Variants in TATDN1 observed in about 807,000 individuals in gnomAD.
TATDN1 encodes TatD DNase domain containing 1.
Under a neutral mutation model 46.4 loss-of-function variants are expected in TATDN1, and 40 were observed. The ratio of observed to expected loss-of-function variants is 0.86; its 90% confidence interval spans 0.67 to 1.12. The LOEUF is 1.12. Ranked by LOEUF, TATDN1 falls within the 50% of genes most tolerant of loss-of-function variation. The pLI is 0.00. For synonymous variants in TATDN1, 95 were observed against 105.6 expected (o/e 0.90, Z 0.62); for missense variants, 326 against 348.4 (o/e 0.94, Z 0.51).
chr8:124,503,825 G>A (rs1420217275), intron 9 of TATDN1: 1 of 1,010,348 alleles, frequency 9.9e-7, no homozygotes, highest in Non-Finnish European at 1.4e-6. Flanking sequence ...TCTCATACTT[G>A]GAGAAACTCT....
intron 8 of TATDN1, among the ~76,000 whole-genome samples, chr8:124,506,334 CAAAAAAAA>C (rs56023168): frequency 1.9e-5 from 1 of 52,526 alleles, no homozygotes; most frequent in African/African-American, 7.0e-5. Context: ...GGCTCTGTCT[CAAAAAAAA>C]AAAAAAAAAA....
chr8:124,524,796 C>T lies in TATDN1; in HGVS notation c.23-1794G>A, dbSNP rs528418626. Reference sequence around the variant, plus strand: ...ATGGGGATCAACAGATGAAAAATTACTAAGAGGAAACATCAAAGGTGAGGG... The same window carrying T: ...ATGGGGATCAACAGATGAAAAATTATTAAGAGGAAACATCAAAGGTGAGGG... On this transcript the variant is annotated intron_variant, in intron 1 of 11. Coordinates refer to ENST00000276692, the MANE Select transcript of TATDN1 (RefSeq NM_032026.4). Among the ~76,000 whole-genome samples the T allele has an allele frequency of 3.1e-3, 478 of 152,140 alleles. 3 individuals carry two copies. Among genetic ancestry groups the T allele is most frequent in the Middle Eastern group, 6.8e-3 (2 of 294 alleles).
intron 3 of TATDN1, chr8:124,521,905 A>T (rs932095843): frequency 6.0e-6 from 2 of 330,890 alleles, no homozygotes; most frequent in East Asian, 5.3e-5. Context: ...GGTTTAAAAA[A>T]TTTTTTTTCA....
At chr8:124,511,739 C>T (rs192531798) in intron 6 of TATDN1, among the ~76,000 whole-genome samples, 6 of 151,986 alleles carry the variant, frequency 3.9e-5, no homozygotes, top group Admixed American at 3.9e-4. Context: ...TTTAAAAGTT[C>T]CAAACAAAAA....
chr8:124,509,692 C>T (rs1818837534), intron 6 of TATDN1, among the ~76,000 whole-genome samples: 1 of 152,092 alleles, frequency 6.6e-6, no homozygotes, highest in Non-Finnish European at 1.5e-5. Flanking sequence ...ACCCCCTTTG[C>T]TCTCTTGAAA....
intron 9 of TATDN1, among the ~76,000 whole-genome samples, chr8:124,499,137 T>C (rs1817731112): frequency 6.6e-6 from 1 of 151,994 alleles, no homozygotes; most frequent in Non-Finnish European, 1.5e-5. Flanking sequence ...TACAGATTCT[T>C]TCCTTTTTCA....
chr8:124,503,929 G>A (rs1818188910), intron 9 of TATDN1: 1 of 1,302,186 alleles, frequency 7.7e-7, no homozygotes, highest in South Asian at 1.2e-5. Flanking sequence ...AGTCAGATAT[G>A]ACGTGTATAT....
At chr8:124,520,392 G>A (rs540842837) in intron 3 of TATDN1, among the ~76,000 whole-genome samples, 130 of 149,632 alleles carry the variant, frequency 8.7e-4, no homozygotes, top group Non-Finnish European at 1.6e-3. Context: ...AGCCGAGATC[G>A]TGCCACTGCA....
intron 1 of TATDN1, among the ~76,000 whole-genome samples, chr8:124,529,762 T>C (rs1820800172): frequency 6.6e-6 from 1 of 152,238 alleles, no homozygotes; most frequent in Admixed American, 6.5e-5. Flanking sequence ...CTGATGTAGA[T>C]GACACTTGTC....
rs761386065 is a variant in TATDN1, at chr8:124,539,024, C to G, written c.22+1G>C. On this transcript the variant is annotated splice_donor_variant, in intron 1 of 11. Coordinates refer to ENST00000276692, the MANE Select transcript of TATDN1 (RefSeq NM_032026.4). LOFTEE classifies it high-confidence loss of function. ...AAGGGCGTGGAAAACGCTCCTCTTA[C>G]CGATAAACTTGAAGCGACTCATGAC... 3 of 1,614,152 alleles carry G rather than the reference C, an allele frequency of 1.9e-6. No individual in the cohort carries two copies. Among genetic ancestry groups the G allele is most frequent in the Non-Finnish European group, 2.5e-6 (3 of 1,180,008 alleles).
rs1586565294 is a variant in TATDN1 at position 124,497,015 on chromosome 8, T to A, written c.594-1473A>T. Among the ~76,000 whole-genome samples the A allele has an allele frequency of 3.3e-5, 5 of 152,318 alleles. No homozygotes were observed. In the Middle Eastern group the frequency reaches 0.017, roughly 518 times the overall value. On this transcript the variant is annotated intron_variant, in intron 9 of 11. Transcript: ENST00000276692. Reference sequence around the variant, plus strand: ...TTCTTGTTTAAGAAAAACCCAAATCTTCTAGTATTCAAATTTCCAGTTGTC... The same window carrying A: ...TTCTTGTTTAAGAAAAACCCAAATCATCTAGTATTCAAATTTCCAGTTGTC...
chr8:124,526,424 A>C (rs1820506460), intron 1 of TATDN1, among the ~76,000 whole-genome samples: 3 of 152,254 alleles, frequency 2.0e-5, no homozygotes, highest in African/African-American at 7.2e-5. Context: ...CTGTATGAAA[A>C]CCAATGTCTA....
rs528519996 is a variant in TATDN1 at position 124,494,796 on chromosome 8, C to T, written c.664+676G>A. 7.9e-5 allele frequency: 12 copies of T among 151,824 alleles called. No homozygotes were observed. In the East Asian group the frequency reaches 2.1e-3, roughly 27 times the overall value. 9.4% of individuals were successfully genotyped at this position (151,824 alleles called of 1,614,324 possible). A position where few individuals can be genotyped will look rare whatever the true frequency, so the allele number is the denominator to read the frequency against. On this transcript the variant is annotated intron_variant, in intron 10 of 11. Transcript: ENST00000276692. ...GGAGTGCAATGGCGTGATCTTGGCT[C>T]ACAGCAACCTCTGCCTCCTGGGTTC... is the stretch of plus-strand genomic sequence containing the variant.
chr8:124,505,059 A>T (rs1818298322), intron 8 of TATDN1, among the ~76,000 whole-genome samples: 1 of 150,164 alleles, frequency 6.7e-6, no homozygotes, highest in Non-Finnish European at 1.5e-5. Context: ...CTGGCCGAGG[A>T]TACTTTTTTG....
rs149013381 is a variant in TATDN1, at chr8:124,525,828, C to A, written c.23-2826G>T. Among the ~76,000 whole-genome samples the A allele has an allele frequency of 2.0e-3, 304 of 152,256 alleles. 2 individuals carry two copies. The highest frequency in any genetic ancestry group is 6.9e-3 in the African/African-American group (287 of 41,536). On this transcript the variant is annotated intron_variant, in intron 1 of 11. Coordinates refer to ENST00000276692, the MANE Select transcript of TATDN1 (RefSeq NM_032026.4). ...TGAACATTAAGACTCATGATGTAAT[C>A]ATGAAAACAAAGCCACTCAAAATCC... is the stretch of plus-strand genomic sequence containing the variant.
At position 124,497,289 on chromosome 8, in the gene TATDN1, T is replaced by TC. The variant is rs200305855; in HGVS notation, c.594-1748_594-1747insG. Among the ~76,000 whole-genome samples, 112 of 124,394 alleles carry TC rather than the reference T, an allele frequency of 9.0e-4. 2 individuals carry two copies. The East Asian group carries it at 0.019, about 21-fold the overall frequency. The allele number at this position is 124,394 out of a possible 152,430, so 81.6% of individuals were successfully genotyped here. ...CTCTGTATTTCCTTCTTTCTTCTTC[T>TC]TTTTTTTTTTTTTTGAGATGGAGTC... On this transcript the variant is annotated intron_variant, in intron 9 of 11. Transcript: ENST00000276692.
chr8:124,496,365 T>A (rs1817466186), intron 9 of TATDN1, among the ~76,000 whole-genome samples: 1 of 152,128 alleles, frequency 6.6e-6, no homozygotes, highest in South Asian at 2.1e-4. Flanking sequence ...AAACCCACAG[T>A]TTACATCAGG....
chr8:124,526,365 A>G (rs973972500), intron 1 of TATDN1, among the ~76,000 whole-genome samples: 6 of 152,256 alleles, frequency 3.9e-5, no homozygotes, highest in African/African-American at 1.4e-4. Context: ...AAAAGTCTCT[A>G]TTAGACATAA....
chr8:124,539,052 C>T lies in TATDN1; in HGVS notation c.-6G>A. ...ATAAACTTGAAGCGACTCATGACTGCGCATGGAGGACCTCCCCAGCGGAAG... is the reference window on the plus strand; with the variant it reads ...ATAAACTTGAAGCGACTCATGACTGTGCATGGAGGACCTCCCCAGCGGAAG... On this transcript the variant is annotated 5_prime_UTR_variant, in exon 1 of 12. Transcript: ENST00000276692. 1 of 1,613,154 alleles carries T rather than the reference C, an allele frequency of 6.2e-7. No individual in the cohort carries two copies. The highest frequency in any genetic ancestry group is 8.5e-7 in the Non-Finnish European group (1 of 1,179,166).
Sources: gnomAD v4.1 joint callset for allele counts (sites outside exome capture counted in the v4.1 genomes callset) on GRCh38, gnomAD v4.1.1 for gene constraint, MANE v1.5 for transcripts, NCBI Gene and HGNC (gene_info 2026-07-23, HGNC 2026-07-21) for gene names.